Variants in KIF5C observed in about 807,000 individuals in gnomAD.
KIF5C encodes kinesin heavy chain isoform 5C.
Under a neutral mutation model 125.2 loss-of-function variants are expected in KIF5C, and 18 were observed. That is an observed-to-expected ratio of 0.14 (90% confidence interval 0.10 to 0.21). The LOEUF is 0.21. Ranked by LOEUF, KIF5C falls within the 10% of genes least tolerant of loss-of-function variation. The pLI is 1.00. For missense variants in KIF5C, 780 were observed against 1,183.8 expected (o/e 0.66, Z 5.01); for synonymous variants, 405 against 434.0 (o/e 0.93, Z 0.83).
intron 25 of KIF5C, among the ~76,000 whole-genome samples, chr2:149,017,011 G>A (rs1466066578): frequency 6.6e-6 from 1 of 152,182 alleles, no homozygotes; most frequent in Non-Finnish European, 1.5e-5. Context: ...GCTTGAGTAA[G>A]ATGATGACAG....
At chr2:149,010,495 G>A (rs950885170) in intron 24 of KIF5C, 144 bp downstream of exon 24, 4 of 1,376,134 alleles carry the variant, frequency 2.9e-6, no homozygotes, top group African/African-American at 2.9e-5. Flanking sequence ...AGCCCTCACC[G>A]CACCCTGTGC....
At chr2:148,952,457 A>G (rs1169553603) in intron 10 of KIF5C, among the ~76,000 whole-genome samples, 3 of 152,160 alleles carry the variant, frequency 2.0e-5, no homozygotes, top group African/African-American at 7.2e-5. Flanking sequence ...GTGTGTCAAA[A>G]TTATAGCACT....
intron 7 of KIF5C, among the ~76,000 whole-genome samples, chr2:148,943,730 A>G (rs905434349): frequency 3.3e-5 from 5 of 152,184 alleles, no homozygotes; most frequent in African/African-American, 1.2e-4. Context: ...GTTATGTTGT[A>G]AAAGAGATTC....
intron 3 of KIF5C, among the ~76,000 whole-genome samples, chr2:148,929,816 A>T (rs1218105442): frequency 1.4e-5 from 2 of 147,994 alleles, no homozygotes; most frequent in Admixed American, 1.3e-4. Context: ...ACTGCACGGT[A>T]TTTTTTTTTT....
chr2:149,007,533 G>C (rs57752483), intron 22 of KIF5C, among the ~76,000 whole-genome samples: 3,407 of 152,246 alleles, frequency 0.022, 83 homozygotes, highest in Middle Eastern at 0.078. Flanking sequence ...ATAGACACTT[G>C]CTTACAAGTT....
At chr2:149,000,902 A>C in intron 21 of KIF5C, 120 bp downstream of exon 21, 1 of 1,502,892 alleles carries the variant, frequency 6.7e-7, no homozygotes, top group African/African-American at 1.4e-5. Flanking sequence ...TAGATAAGAC[A>C]TTCTATGGAA....
chr2:148,983,646 G>A lies in KIF5C; in HGVS notation c.1596G>A (p.Glu532=), dbSNP rs775991688. The A allele has an allele frequency of 1.9e-6, 3 of 1,600,694 alleles. No individual in the cohort carries two copies. Among genetic ancestry groups the A allele is most frequent in the Admixed American group, 1.7e-5 (1 of 58,618 alleles). The change falls in exon 15 of 26, where the codon GAG becomes GAA. Residue 532 remains glutamate (E), a synonymous_variant. Transcript: ENST00000435030. ...CTACATTGACAACCACACAGAGAGA[G>A]CTGAGCCAGCTACAAGAGCTTAGCA... is the stretch of plus-strand genomic sequence containing the variant. ...KTTTLTTTQR[E]LSQLQELSNH...
intron 3 of KIF5C, among the ~76,000 whole-genome samples, chr2:148,936,881 A>G (rs953573038): frequency 6.6e-6 from 1 of 152,258 alleles, no homozygotes; most frequent in East Asian, 1.9e-4. Flanking sequence ...AGATTGCCTT[A>G]CTTGGAACTC....
At chr2:148,881,991 A>G (rs1364704008) in intron 1 of KIF5C, among the ~76,000 whole-genome samples, 1 of 152,100 alleles carries the variant, frequency 6.6e-6, no homozygotes, top group African/African-American at 2.4e-5. Flanking sequence ...TTTTTTTCAT[A>G]AAGTTCTAAT....
intron 10 of KIF5C, among the ~76,000 whole-genome samples, chr2:148,960,404 A>G (rs6710001): frequency 0.15 from 22,382 of 152,192 alleles, 2,444 homozygotes; most frequent in African/African-American, 0.3. Flanking sequence ...GGATGCTTGT[A>G]ATGTTTGTGC....
chr2:148,904,232 G>A (rs1681013666), intron 1 of KIF5C, among the ~76,000 whole-genome samples: 1 of 152,184 alleles, frequency 6.6e-6, no homozygotes, highest in Admixed American at 6.5e-5. Flanking sequence ...ATTATTTTGA[G>A]GTTTGTGAAG....
At chr2:148,943,130 C>T (rs1168674098) in intron 7 of KIF5C, among the ~76,000 whole-genome samples, 2 of 152,054 alleles carry the variant, frequency 1.3e-5, no homozygotes, top group Non-Finnish European at 2.9e-5. Flanking sequence ...AAAAAAAGTT[C>T]CAAACCAACA....
intron 1 of KIF5C, among the ~76,000 whole-genome samples, chr2:148,909,977 A>G (rs1378188484): frequency 6.6e-6 from 1 of 152,164 alleles, no homozygotes; most frequent in South Asian, 2.1e-4. Context: ...GTGGAGATTC[A>G]TGGTAGTCTC....
At chr2:148,950,274 A>T (rs1407762689) in intron 9 of KIF5C, 40 bp from the exon 10 acceptor site, 1 of 1,597,480 alleles carries the variant, frequency 6.3e-7, no homozygotes, top group Admixed American at 1.7e-5. Flanking sequence ...TTTTCTCAGA[A>T]TGGGCTGTCA....
At chr2:148,927,863 A>T (rs1445186870) in intron 2 of KIF5C, among the ~76,000 whole-genome samples, 1 of 151,912 alleles carries the variant, frequency 6.6e-6, no homozygotes, top group Non-Finnish European at 1.5e-5. Flanking sequence ...ATATGTATGA[A>T]CATTCTCTCT....
intron 1 of KIF5C, among the ~76,000 whole-genome samples, chr2:148,890,767 A>T (rs73966624): frequency 0.012 from 1,852 of 152,322 alleles, 35 homozygotes; most frequent in African/African-American, 0.042. Context: ...AACCCTTTTC[A>T]GGTTCCCATG....
At chr2:149,005,504 A>G (rs1229564134) in intron 22 of KIF5C, 40 bp downstream of exon 22, 10 of 1,607,712 alleles carry the variant, frequency 6.2e-6, no homozygotes, top group Non-Finnish European at 7.6e-6. Flanking sequence ...GAAGAAAATC[A>G]AAGATGGCAG....
chr2:148,984,055 T>C (rs1681312098), intron 15 of KIF5C, among the ~76,000 whole-genome samples: 1 of 152,254 alleles, frequency 6.6e-6, no homozygotes, highest in African/African-American at 2.4e-5. Context: ...TCTCAACTTA[T>C]TTCCTAATGT....
Position 148,973,522 on chromosome 2 carries a change from A to G in KIF5C, c.1293+11A>G. 6.3e-7 allele frequency: 1 copy of G among 1,596,526 alleles called. No individual in the cohort carries two copies. The highest frequency in any genetic ancestry group is 2.2e-5 in the East Asian group (1 of 44,530). ...CAACTGGATGACAAGGTCTGTGGCC[A>G]GAGATTCATAGTTCTCATTCTGCTA... is the stretch of plus-strand genomic sequence containing the variant. On this transcript the variant is annotated intron_variant, in intron 12 of 25. Transcript: ENST00000435030.
Sources: allele counts gnomAD v4.1 joint callset (sites outside exome capture counted in the v4.1 genomes callset), GRCh38; gene constraint gnomAD v4.1.1; transcripts MANE v1.5; gene names NCBI Gene and HGNC (gene_info 2026-07-23, HGNC 2026-07-21).